The following NEGR1 variants were observed in gnomAD, a reference collection of about 807,000 sequenced individuals.
NEGR1 encodes the protein IgLON family member 4.
A neutral mutation model predicts 40.9 loss-of-function variants in NEGR1; 10 were observed. That is an observed-to-expected ratio of 0.24 (90% CI 0.15 to 0.42). The LOEUF (loss-of-function observed/expected upper bound fraction) is 0.42, where lower values mean the gene tolerates loss of function less well. Among genes scored for constraint, NEGR1 ranks in the 10% least tolerant of loss-of-function variants. The pLI is 1.00. For missense variants in NEGR1, 352 were observed against 438.9 expected (o/e 0.80, Z 1.77); for synonymous variants, 185 against 166.8 (o/e 1.11, Z -0.84).
At chr1:72,257,553 T>G (rs17591264) in intron 1 of NEGR1, among the ~76,000 whole-genome samples, 2 of 152,044 alleles carry the variant, frequency 1.3e-5, no homozygotes, top group African/African-American at 4.8e-5. Context: ...CTCCATATAT[T>G]TAAAGATCTA....
intron 2 of NEGR1, among the ~76,000 whole-genome samples, chr1:71,914,084 G>C (rs577017157): frequency 6.6e-6 from 1 of 152,302 alleles, no homozygotes; most frequent in Admixed American, 6.5e-5. Context: ...CTTGAGATCA[G>C]AGCTTATGGT....
intron 6 of NEGR1, chr1:71,570,938 C>G (rs1194399979): frequency 6.6e-6 from 1 of 152,100 alleles, no homozygotes; most frequent in African/African-American, 2.4e-5. Context: ...TGACTGATGT[C>G]TATCTTTGAT....
At chr1:72,088,796 CTTTTTTTTTTTT>C (rs71074816) in intron 1 of NEGR1, among the ~76,000 whole-genome samples, 114 of 74,926 alleles carry the variant, frequency 1.5e-3, no homozygotes, top group Non-Finnish European at 2.4e-3. Flanking sequence ...CTCTCTCTCT[CTTTTTTTTTTTT>C]TTTTTTTTTT....
At chr1:72,102,275 A>AC (rs906415369) in intron 1 of NEGR1, among the ~76,000 whole-genome samples, 4 of 152,022 alleles carry the variant, frequency 2.6e-5, no homozygotes, top group Admixed American at 1.3e-4. Context: ...ATTTTATCCA[A>AC]CCCCCCCATA....
intron 1 of NEGR1, among the ~76,000 whole-genome samples, chr1:72,250,726 G>T (rs1015816056): frequency 6.6e-6 from 1 of 152,078 alleles, no homozygotes; most frequent in African/African-American, 2.4e-5. Context: ...TATCTTAAGG[G>T]TGATTACATG....
intron 2 of NEGR1, among the ~76,000 whole-genome samples, chr1:71,854,693 C>T (rs1033334734): frequency 2.6e-5 from 4 of 151,996 alleles, no homozygotes; most frequent in South Asian, 2.1e-4. Context: ...GAAGAAGGCA[C>T]CTTCTTCACA....
At chr1:71,422,045 C>A (rs1646398142) in intron 6 of NEGR1, among the ~76,000 whole-genome samples, 1 of 151,742 alleles carries the variant, frequency 6.6e-6, no homozygotes, top group Non-Finnish European at 1.5e-5. Flanking sequence ...AACTATTCTT[C>A]TGATATTCTT....
chr1:72,252,639 G>A (rs1017267685), intron 1 of NEGR1, among the ~76,000 whole-genome samples: 1 of 152,100 alleles, frequency 6.6e-6, no homozygotes, highest in South Asian at 2.1e-4. Flanking sequence ...AAGAAGGTGA[G>A]GAATATTTGT....
At chr1:71,819,636 T>C (rs890617051) in intron 2 of NEGR1, among the ~76,000 whole-genome samples, 1 of 152,090 alleles carries the variant, frequency 6.6e-6, no homozygotes, top group Non-Finnish European at 1.5e-5. Flanking sequence ...TTGGGAAGTA[T>C]AATGCTTTAC....
chr1:72,008,975 C>T (rs1362034869), intron 1 of NEGR1, among the ~76,000 whole-genome samples: 1 of 123,378 alleles, frequency 8.1e-6, no homozygotes, highest in African/African-American at 3.0e-5. Flanking sequence ...ATTAAACTTC[C>T]CTAACCACCA....
chr1:71,429,163 G>A (rs1646449146), intron 6 of NEGR1, among the ~76,000 whole-genome samples: 1 of 151,942 alleles, frequency 6.6e-6, no homozygotes, highest in African/African-American at 2.4e-5. Flanking sequence ...AGAACTGCTG[G>A]TGGTACTGGT....
rs1399008768 is a variant in NEGR1, at chr1:71,774,666, C to T, written c.535+1506G>A. Among the ~76,000 whole-genome samples, 3 of 138,100 alleles carry T rather than the reference C, an allele frequency of 2.2e-5. No homozygotes were observed. The East Asian group carries it at 6.8e-4, about 31-fold the overall frequency. 90.6% of individuals were successfully genotyped at this position (138,100 alleles called of 152,430 possible). On this transcript the variant is annotated intron_variant, in intron 3 of 6. Coordinates refer to ENST00000357731, the MANE Select transcript of NEGR1 (RefSeq NM_173808.3). The stretch of plus-strand genomic sequence containing the variant: ...ATTAAAAGCAGTTTCATTGCATCAG[C>T]CTTGCTCAGGGTATTTTCACAAAAA...
chr1:71,744,919 T>C (rs969700633), intron 3 of NEGR1, among the ~76,000 whole-genome samples: 2 of 152,138 alleles, frequency 1.3e-5, no homozygotes, highest in African/African-American at 4.8e-5. Flanking sequence ...AGAGAAAAAT[T>C]ATGTGGCAGA....
At chr1:71,862,587 T>G (rs915406757) in intron 2 of NEGR1, among the ~76,000 whole-genome samples, 12 of 152,230 alleles carry the variant, frequency 7.9e-5, no homozygotes, top group Middle Eastern at 3.4e-3. Context: ...GTATTGTCTC[T>G]TACTCTAGAT....
chr1:71,633,847 A>G (rs1048071126), intron 4 of NEGR1, among the ~76,000 whole-genome samples: 15 of 151,984 alleles, frequency 9.9e-5, no homozygotes, highest in African/African-American at 3.6e-4. Context: ...GCCCATGTGG[A>G]GTTATTATCT....
At chr1:72,254,847 C>A (rs1290796375) in intron 1 of NEGR1, among the ~76,000 whole-genome samples, 1 of 150,770 alleles carries the variant, frequency 6.6e-6, no homozygotes, top group Non-Finnish European at 1.5e-5. Flanking sequence ...AAAAACTTGT[C>A]TCTTTCATAT....
intron 1 of NEGR1, among the ~76,000 whole-genome samples, chr1:72,132,491 C>T (rs1174096546): frequency 2.6e-5 from 4 of 152,008 alleles, no homozygotes; most frequent in Non-Finnish European, 5.9e-5. Context: ...AACAAACAAA[C>T]AAAATAAACA....
chr1:72,113,162 G>A lies in NEGR1; in HGVS notation c.176+169157C>T, dbSNP rs368020083. The stretch of plus-strand genomic sequence containing the variant: ...ACCCAAGGGTTTTTCATGATGACCA[G>A]TATTATGAATTTATGAACGGACTAG... On this transcript the variant is annotated intron_variant, in intron 1 of 6. Coordinates refer to ENST00000357731, the MANE Select transcript of NEGR1 (RefSeq NM_173808.3). Among the ~76,000 whole-genome samples, 48 of 151,784 alleles carry A rather than the reference G, an allele frequency of 3.2e-4. 1 individual carries two copies. In the South Asian group the frequency reaches 8.9e-3, roughly 28 times the overall value.
At chr1:71,659,952 C>T (rs756082997) in intron 4 of NEGR1, among the ~76,000 whole-genome samples, 2 of 152,038 alleles carry the variant, frequency 1.3e-5, no homozygotes, top group African/African-American at 4.8e-5. Context: ...AACTACCATT[C>T]GACCCAGTAA....
Sources: allele counts gnomAD v4.1 joint callset (sites outside exome capture counted in the v4.1 genomes callset), GRCh38; gene constraint gnomAD v4.1.1; transcripts MANE v1.5; gene names NCBI Gene and HGNC (gene_info 2026-07-23, HGNC 2026-07-21).